Variants in PDE9A observed in about 807,000 individuals in gnomAD.
PDE9A encodes phosphodiesterase 9A.
A neutral mutation model predicts 87.4 loss-of-function variants in PDE9A; 60 were observed. The observed-to-expected ratio is 0.69, with a 90% CI of 0.56 to 0.85. The LOEUF is 0.85. Among genes scored for constraint, PDE9A ranks in the 40% least tolerant of loss-of-function variants. PDE9A has a pLI of 0.00. For synonymous variants in PDE9A, 272 were observed against 279.4 expected (o/e 0.97, Z 0.27); for missense variants, 665 against 779.0 (o/e 0.85, Z 1.74).
chr21:42,684,620 G>A (rs568424436), intron 1 of PDE9A, among the ~76,000 whole-genome samples: 2 of 152,372 alleles, frequency 1.3e-5, no homozygotes, highest in South Asian at 4.1e-4. Flanking sequence ...GGAGCTCTGG[G>A]AGGAGCCAGC....
intron 10 of PDE9A, 122 bp downstream of exon 10, chr21:42,754,186 G>A (rs1372768282): frequency 4.8e-4 from 241 of 499,778 alleles, no homozygotes; most frequent in South Asian, 8.1e-4. Context: ...TTTAAAGACT[G>A]AAAAAAAAAA....
chr21:42,768,420 A>G, intron 16 of PDE9A, 128 bp downstream of exon 16: 3 of 1,053,598 alleles, frequency 2.8e-6, no homozygotes, highest in Non-Finnish European at 2.7e-6. Context: ...TTCAGCCTCC[A>G]GAAAGCCTTC....
In PDE9A at chr21:42,669,008, G is replaced by C. The variant is rs376261044; in HGVS notation, c.69+15125G>C. Among the ~76,000 whole-genome samples the C allele has an allele frequency of 1.1e-4, 16 of 150,904 alleles. 1 individual carries two copies. The highest frequency in any genetic ancestry group is 3.7e-4 in the African/African-American group (15 of 40,734). ...AATGCCTCCTTCACCATCCCCTCCT[G>C]AAGTTTCCCCCATTGCATACACGCG... On this transcript the variant is annotated intron_variant, in intron 1 of 19. Coordinates refer to ENST00000291539, the MANE Select transcript of PDE9A (RefSeq NM_002606.3).
At chr21:42,687,807 G>GGTCCTGGGACT in intron 2 of PDE9A, 110 bp from the exon 3 acceptor site, 1 of 878,266 alleles carries the variant, frequency 1.1e-6, no homozygotes, top group East Asian at 2.5e-5. Flanking sequence ...TGGTCAGGCT[G>GGTCCTGGGACT]GTCCTGGGAC....
At chr21:42,745,350 G>C (rs2053736841) in intron 8 of PDE9A, among the ~76,000 whole-genome samples, 1 of 152,232 alleles carries the variant, frequency 6.6e-6, no homozygotes, top group Non-Finnish European at 1.5e-5. Context: ...CTCATTTGGA[G>C]TTAGGGATGT....
intron 1 of PDE9A, among the ~76,000 whole-genome samples, chr21:42,679,578 C>G (rs988803342): frequency 2.0e-5 from 3 of 152,148 alleles, no homozygotes; most frequent in Non-Finnish European, 4.4e-5. Context: ...ATCCCTCCTC[C>G]GACCCAGCCT....
In PDE9A at chr21:42,760,339, C is replaced by T. The variant is rs142443164; in HGVS notation, c.909C>T (p.His303=). 1.0e-4 allele frequency: 161 copies of T among 1,605,028 alleles called. No homozygotes were observed. The highest frequency in any genetic ancestry group is 2.2e-4 in the South Asian group (20 of 91,030). ...VTLRRWLFCV[H]DNYRNNPFHN... ...CCTGCCTCCCGCAGTTCTGCGTCCA[C>T]GACAACTACAGAAACAACCCCTTCC... Residue 303 remains histidine, a synonymous_variant, in exon 12 of 20, where the codon CAC becomes CAT. Coordinates refer to ENST00000291539, the MANE Select transcript of PDE9A (RefSeq NM_002606.3). This position sits in a 1 kb window ranked among gnomAD's most constrained non-coding sequence, Gnocchi z 5.2.
At chr21:42,731,397 T>C (rs1316145935) in intron 4 of PDE9A, among the ~76,000 whole-genome samples, 3 of 152,140 alleles carry the variant, frequency 2.0e-5, no homozygotes, top group East Asian at 3.9e-4. Context: ...TGGAGCCAGG[T>C]AGAGACCGCT....
chr21:42,704,433 A>AACACACACACACACACACACACAC lies in PDE9A; in HGVS notation c.262+5436_262+5459dup, dbSNP rs34581078. ...CAGGTAGACCCCCCCCACCCCACCAAACACACACACACACACACACACACA... is the reference window on the plus strand; with the variant it reads ...CAGGTAGACCCCCCCCACCCCACCAAACACACACACACACACACACACACACACACACACACACACACACACACA... On this transcript the variant is annotated intron_variant, in intron 4 of 19. Transcript: ENST00000291539. The surrounding 1 kb of genome is among the most constrained non-coding windows in gnomAD (Gnocchi z 5.3). 5.1e-5 allele frequency among the ~76,000 whole-genome samples: 7 copies of AACACACACACACACACACACACAC among 137,116 alleles called. No individual in the cohort carries two copies. In the East Asian group the frequency reaches 6.5e-4, roughly 13 times the overall value. The allele number at this position is 137,116 out of a possible 152,430, so 90.0% of individuals were successfully genotyped here.
intron 1 of PDE9A, among the ~76,000 whole-genome samples, chr21:42,665,239 C>T (rs1036556505): frequency 5.9e-5 from 9 of 152,202 alleles, no homozygotes; most frequent in Non-Finnish European, 1.0e-4. Context: ...GAGCCAGCCC[C>T]GCCCATGCCT....
At chr21:42,716,482 T>C (rs2049928218) in intron 4 of PDE9A, among the ~76,000 whole-genome samples, 1 of 151,736 alleles carries the variant, frequency 6.6e-6, no homozygotes, top group Non-Finnish European at 1.5e-5. Flanking sequence ...CCTAGTGACA[T>C]ATCATGATAA....
chr21:42,699,807 T>A (rs1047733063), intron 4 of PDE9A, among the ~76,000 whole-genome samples: 8 of 152,062 alleles, frequency 5.3e-5, no homozygotes, highest in Non-Finnish European at 1.2e-4. Flanking sequence ...GATCCACCTG[T>A]CTTAGCCTCC....
rs534399281 is a variant in PDE9A at position 42,676,367 on chromosome 21, G to A, written c.70-9825G>A. Among the ~76,000 whole-genome samples the A allele has an allele frequency of 7.2e-5, 11 of 152,254 alleles. No homozygotes were observed. In the South Asian group the frequency reaches 1.0e-3, roughly 14 times the overall value. On this transcript the variant is annotated intron_variant, in intron 1 of 19. Coordinates refer to ENST00000291539, the MANE Select transcript of PDE9A (RefSeq NM_002606.3). Reference sequence around the variant, plus strand: ...TCACAGTCTAGAACATTCCATCGCCGCAAGGCTGCCTCTTATAACCAACCA... The same window carrying A: ...TCACAGTCTAGAACATTCCATCGCCACAAGGCTGCCTCTTATAACCAACCA...
chr21:42,671,973 T>C (rs554426890), intron 1 of PDE9A, among the ~76,000 whole-genome samples: 162 of 151,024 alleles, frequency 1.1e-3, no homozygotes, highest in African/African-American at 3.9e-3. Context: ...CTGTTTGTCT[T>C]GAGGGCAGAC....
At position 42,765,361 on chromosome 21, in the gene PDE9A, G is replaced by C; in HGVS notation, c.1243-20G>C. On this transcript the variant is annotated intron_variant, in intron 14 of 19. Coordinates refer to ENST00000291539, the MANE Select transcript of PDE9A (RefSeq NM_002606.3). ...GTTCAGACTATACCCGTGTTAACAC[G>C]TTGTTCTCTCGCTATTTAGGGAATG... 7.0e-7 allele frequency: 1 copy of C among 1,437,884 alleles called. No individual in the cohort carries two copies. Among genetic ancestry groups the C allele is most frequent in the Non-Finnish European group, 9.8e-7 (1 of 1,022,226 alleles). The allele number at this position is 1,437,884 out of a possible 1,614,324, so 89.1% of individuals were successfully genotyped here. A position where few individuals can be genotyped will look rare whatever the true frequency, so the allele number is the denominator to read the frequency against.
At chr21:42,725,716 TG>T (rs1158585555) in intron 4 of PDE9A, among the ~76,000 whole-genome samples, 4 of 152,212 alleles carry the variant, frequency 2.6e-5, no homozygotes, top group Admixed American at 1.3e-4. Context: ...GCGGTATGGA[TG>T]GACCACGGTT....
chr21:42,691,609 T>A (rs185294905), intron 3 of PDE9A, among the ~76,000 whole-genome samples: 19 of 146,132 alleles, frequency 1.3e-4, no homozygotes. Context: ...CCATCCAAAG[T>A]TACCAGCCCC....
intron 1 of PDE9A, among the ~76,000 whole-genome samples, chr21:42,679,525 G>A (rs928208184): frequency 6.6e-6 from 1 of 152,082 alleles, no homozygotes; most frequent in Non-Finnish European, 1.5e-5. Flanking sequence ...GCCTCACGAC[G>A]AGGAGACCTG....
chr21:42,686,373 C>G, intron 2 of PDE9A, 111 bp downstream of exon 2: 2 of 795,706 alleles, frequency 2.5e-6, no homozygotes, highest in Non-Finnish European at 4.3e-6. Context: ...CACCGGCCTT[C>G]TACAAGGGGC....
Sources: gnomAD v4.1 joint callset for allele counts (sites outside exome capture counted in the v4.1 genomes callset) on GRCh38, gnomAD v4.1.1 for gene constraint, Gnocchi (gnomAD v3.1) non-coding constraint, MANE v1.5 for transcripts, NCBI Gene and HGNC (gene_info 2026-07-23, HGNC 2026-07-21) for gene names.